The following SPTBN1 variants were observed in gnomAD, a reference collection of about 807,000 sequenced individuals.
SPTBN1 encodes the protein spectrin beta, non-erythrocytic 1.
SPTBN1 carries 32 observed loss-of-function variants against 266.4 expected under a neutral mutation model. That is an observed-to-expected ratio of 0.12 (90% CI 0.09 to 0.16). The LOEUF (loss-of-function observed/expected upper bound fraction) is 0.16, where lower values mean the gene tolerates loss of function less well. Among genes scored for constraint, SPTBN1 ranks in the 10% least tolerant of loss-of-function variants. The pLI is 1.00. For synonymous variants in SPTBN1, 1,336 were observed against 1,162.2 expected (o/e 1.15, Z -3.04); for missense variants, 2,296 against 3,067.1 (o/e 0.75, Z 5.94).
chr2:54,616,996 C>A (rs1677652384), intron 5 of SPTBN1, among the ~76,000 whole-genome samples: 1 of 152,144 alleles, frequency 6.6e-6, no homozygotes, highest in African/African-American at 2.4e-5. Flanking sequence ...CTATAAAGAG[C>A]TTATGGCCTA....
At chr2:54,459,354 C>G (rs1436108228) in intron 1 of SPTBN1, among the ~76,000 whole-genome samples, 1 of 152,206 alleles carries the variant, frequency 6.6e-6, no homozygotes, top group Non-Finnish European at 1.5e-5. Context: ...AGACCTCCCT[C>G]TACTTGTGAC....
At chr2:54,459,638 A>T (rs1267355163) in intron 1 of SPTBN1, among the ~76,000 whole-genome samples, 1 of 152,198 alleles carries the variant, frequency 6.6e-6, no homozygotes, top group East Asian at 1.9e-4. Context: ...TGCTCCTTTA[A>T]TTATGTTGCA....
intron 2 of SPTBN1, among the ~76,000 whole-genome samples, chr2:54,569,452 A>G (rs1247585369): frequency 6.6e-6 from 1 of 152,242 alleles, no homozygotes; most frequent in African/African-American, 2.4e-5. Context: ...GTAAGATCCC[A>G]CAAGTCCTAC....
At chr2:54,571,412 CG>C (rs1674057163) in intron 2 of SPTBN1, among the ~76,000 whole-genome samples, 1 of 152,028 alleles carries the variant, frequency 6.6e-6, no homozygotes, top group Admixed American at 6.6e-5. Flanking sequence ...ACGAGTTCAC[CG>C]TTTGCCAGGG....
At chr2:54,657,721 ATT>A in intron 29 of SPTBN1, 127 bp from the exon 30 acceptor site, 1 of 1,120,660 alleles carries the variant, frequency 8.9e-7, no homozygotes, top group Non-Finnish European at 1.3e-6. Context: ...GACAGGGCTA[ATT>A]TAGAGTAGAC....
chr2:54,485,547 C>A (rs1194692785), intron 1 of SPTBN1, among the ~76,000 whole-genome samples: 7 of 152,170 alleles, frequency 4.6e-5, no homozygotes, highest in Non-Finnish European at 1.0e-4. Context: ...GCTACAACCT[C>A]CACCTCCCAG....
chr2:54,563,996 C>T (rs537634575), intron 2 of SPTBN1, among the ~76,000 whole-genome samples: 26 of 152,296 alleles, frequency 1.7e-4, no homozygotes, highest in African/African-American at 6.0e-4. Context: ...AAATTTGATG[C>T]TCTTCCCGTA....
chr2:54,458,919 A>T (rs1275537530), intron 1 of SPTBN1, among the ~76,000 whole-genome samples: 3 of 152,250 alleles, frequency 2.0e-5, no homozygotes, highest in African/African-American at 4.8e-5. Context: ...GGCTCTGCAG[A>T]ATAGAACTGC....
chr2:54,522,701 A>AGAGAGAG (rs1558802720), intron 1 of SPTBN1, among the ~76,000 whole-genome samples: 3 of 70,138 alleles, frequency 4.3e-5, no homozygotes, highest in African/African-American at 1.0e-4. Context: ...GAGAGAGAGA[A>AGAGAGAG]AGAAAGAAAG....
intron 1 of SPTBN1, among the ~76,000 whole-genome samples, chr2:54,513,874 G>A (rs1479409773): frequency 6.6e-6 from 1 of 152,160 alleles, no homozygotes; most frequent in South Asian, 2.1e-4. Context: ...GTGATTTCAA[G>A]ATTTGTAACT....
intron 2 of SPTBN1, among the ~76,000 whole-genome samples, chr2:54,572,530 T>C (rs1025385822): frequency 2.6e-5 from 4 of 152,198 alleles, no homozygotes; most frequent in African/African-American, 2.4e-5. Context: ...GAAACTTAGA[T>C]AGCACACGAA....
At chr2:54,457,075 C>T (rs1029901809) in intron 1 of SPTBN1, among the ~76,000 whole-genome samples, 2 of 151,340 alleles carry the variant, frequency 1.3e-5, no homozygotes, top group Non-Finnish European at 1.5e-5. Context: ...GGCTGCGCCG[C>T]GCTGCAGCTG....
At position 54,558,030 on chromosome 2, in the gene SPTBN1, A is replaced by G. The variant is rs929684909; in HGVS notation, c.148+31464A>G. 2.0e-6 allele frequency: 2 copies of G among 984,824 alleles called. No individual in the cohort carries two copies. The highest frequency in any genetic ancestry group is 2.4e-6 in the Non-Finnish European group (2 of 829,788). The allele number at this position is 984,824 out of a possible 1,614,324, so 61.0% of individuals were successfully genotyped here. On this transcript the variant is annotated intron_variant, in intron 2 of 35. Transcript: ENST00000356805. The surrounding 1 kb of genome is among the most constrained non-coding windows in gnomAD (Gnocchi z 4.6). Reference sequence around the variant, plus strand: ...GGGCCCGGGACCCTTGGGGCTCTTCACTCTCCAGGCCGTCCCGTGGGCGCG... The same window carrying G: ...GGGCCCGGGACCCTTGGGGCTCTTCGCTCTCCAGGCCGTCCCGTGGGCGCG...
intron 2 of SPTBN1, among the ~76,000 whole-genome samples, chr2:54,537,726 G>C (rs1264525852): frequency 6.6e-6 from 1 of 152,210 alleles, no homozygotes; most frequent in Non-Finnish European, 1.5e-5. Context: ...GTGACCTTGT[G>C]TAAGTGGGCT....
intron 2 of SPTBN1, among the ~76,000 whole-genome samples, chr2:54,547,699 G>A (rs1323814761): frequency 3.3e-5 from 5 of 152,080 alleles, no homozygotes; most frequent in Non-Finnish European, 7.4e-5. Flanking sequence ...CTTGGTAGAT[G>A]GTAATTAAAA....
In SPTBN1 at chr2:54,653,352, C is replaced by T; in HGVS notation, c.5578-257C>T. ...CCAGGGGACTTTCCCTGACTAAACTCTCCTGCCTGTCTTCCTGTAGCATTT... is the reference window on the plus strand; with the variant it reads ...CCAGGGGACTTTCCCTGACTAAACTTTCCTGCCTGTCTTCCTGTAGCATTT... On this transcript the variant is annotated intron_variant, in intron 26 of 35. Transcript: ENST00000356805. This position sits in a 1 kb window ranked among gnomAD's most constrained non-coding sequence, Gnocchi z 5.1. The T allele has an allele frequency of 2.2e-6, 1 of 462,496 alleles. No homozygotes were observed. Among genetic ancestry groups the T allele is most frequent in the Non-Finnish European group, 3.6e-6 (1 of 275,514 alleles). 28.6% of individuals were successfully genotyped at this position (462,496 alleles called of 1,614,324 possible).
Position 54,670,601 on chromosome 2 carries a change from A to C in SPTBN1, c.*2032A>C, listed in dbSNP as rs1313754331. ...CAGACCAAAATGTTTAGTTAAGGCAAAGTATCTTGGAAACAATTGTGATTA... is the reference window on the plus strand; with the variant it reads ...CAGACCAAAATGTTTAGTTAAGGCACAGTATCTTGGAAACAATTGTGATTA... On this transcript the variant is annotated 3_prime_UTR_variant, in exon 36 of 36. Coordinates refer to ENST00000356805, the MANE Select transcript of SPTBN1 (RefSeq NM_003128.3). The C allele has an allele frequency of 1.0e-5, 4 of 398,392 alleles. No individual in the cohort carries two copies. The highest frequency in any genetic ancestry group is 1.8e-5 in the Non-Finnish European group (4 of 226,024). 24.7% of individuals were successfully genotyped at this position (398,392 alleles called of 1,614,324 possible).
intron 30 of SPTBN1, among the ~76,000 whole-genome samples, chr2:54,658,447 G>A (rs1680820974): frequency 6.6e-6 from 1 of 152,168 alleles, no homozygotes; most frequent in Non-Finnish European, 1.5e-5. Flanking sequence ...CTAGCCTGTT[G>A]TTAAGTCCCC....
At chr2:54,545,035 T>G (rs1672159202) in intron 2 of SPTBN1, among the ~76,000 whole-genome samples, 1 of 152,254 alleles carries the variant, frequency 6.6e-6, no homozygotes, top group Non-Finnish European at 1.5e-5. Context: ...TGTTTGGTTT[T>G]CTGTCCTTGT....
Sources: allele counts gnomAD v4.1 joint callset (sites outside exome capture counted in the v4.1 genomes callset), GRCh38; gene constraint gnomAD v4.1.1; non-coding constraint Gnocchi (gnomAD v3.1); transcripts MANE v1.5; gene names NCBI Gene and HGNC (gene_info 2026-07-23, HGNC 2026-07-21).